Variants in PTPRE observed in about 807,000 individuals in gnomAD.
PTPRE encodes receptor-type tyrosine-protein phosphatase epsilon.
A neutral mutation model predicts 102.0 loss-of-function variants in PTPRE; 51 were observed. The ratio of observed to expected loss-of-function variants is 0.50; its 90% CI spans 0.40 to 0.63. The LOEUF is 0.63. PTPRE is among the 30% of genes least tolerant of loss of function. The pLI, the probability that PTPRE is intolerant of heterozygous loss-of-function variation, is 0.00. For synonymous variants in PTPRE, 345 were observed against 348.2 expected, an observed-to-expected ratio of 0.99 and a Z score of 0.10; for missense variants, 752 against 915.1, an observed-to-expected ratio of 0.82 and a Z score of 2.30.
rs866171216 is a variant in PTPRE, at chr10:128,085,135, G to A, written c.*2229G>A. ...TCTCCCCTCCACTGTCCGGGACAGC[G>A]TTCGCCCTTTAGCGGGGAGGTCATT... On this transcript the variant is annotated 3_prime_UTR_variant, in exon 21 of 21. Transcript: ENST00000254667. 5.9e-5 allele frequency: 27 copies of A among 455,918 alleles called. No individual in the cohort carries two copies. In the Middle Eastern group the frequency reaches 1.3e-3, roughly 22 times the overall value. The allele number at this position is 455,918 out of a possible 1,614,324, so 28.2% of individuals were successfully genotyped here. A position where few individuals can be genotyped will look rare whatever the true frequency, so the allele number is the denominator to read the frequency against.
At chr10:127,933,152 C>T (rs1847572066) in intron 1 of PTPRE, among the ~76,000 whole-genome samples, 1 of 152,154 alleles carries the variant, frequency 6.6e-6, no homozygotes, top group African/African-American at 2.4e-5. Context: ...AAACATAATC[C>T]CATCTGCAAA....
intron 1 of PTPRE, among the ~76,000 whole-genome samples, chr10:127,953,907 G>A (rs1019049326): frequency 4.6e-5 from 7 of 152,192 alleles, no homozygotes; most frequent in Non-Finnish European, 7.3e-5. Context: ...ACTGATTCAT[G>A]GGCTATAGCC....
chr10:128,031,465 C>T (rs67895236), intron 2 of PTPRE, among the ~76,000 whole-genome samples: 17,777 of 152,272 alleles, frequency 0.12, 1,295 homozygotes, highest in East Asian at 0.36. Flanking sequence ...ACTGCCGAGC[C>T]CCAAGGGCGG....
Position 128,085,357 on chromosome 10 carries a change from C to T in PTPRE, c.*2451C>T. The T allele has an allele frequency of 4.0e-6, 1 of 252,368 alleles. No homozygotes were observed. The highest frequency in any genetic ancestry group is 8.2e-6 in the Non-Finnish European group (1 of 121,412). 15.6% of individuals were successfully genotyped at this position (252,368 alleles called of 1,614,324 possible). ...GCCCCCAAACAGCCCAGTGCCGACA[C>T]CATTGTTCCTTTCACACTTTCCTTT... On this transcript the variant is annotated 3_prime_UTR_variant, in exon 21 of 21. Coordinates refer to ENST00000254667, the MANE Select transcript of PTPRE (RefSeq NM_006504.6).
At chr10:128,035,299 A>AC (rs1590085751) in intron 2 of PTPRE, among the ~76,000 whole-genome samples, 2 of 151,738 alleles carry the variant, frequency 1.3e-5, no homozygotes, top group East Asian at 1.9e-4. Context: ...ACACACACAC[A>AC]AAATATGTTA....
chr10:128,044,166 A>T (rs1481013973), intron 3 of PTPRE, among the ~76,000 whole-genome samples: 1 of 152,240 alleles, frequency 6.6e-6, no homozygotes, highest in Non-Finnish European at 1.5e-5. Context: ...TGGCAAAGAG[A>T]ACAGGTTCCT....
intron 1 of PTPRE, among the ~76,000 whole-genome samples, chr10:127,936,497 C>G (rs1034666579): frequency 6.6e-6 from 1 of 152,186 alleles, no homozygotes; most frequent in Non-Finnish European, 1.5e-5. Context: ...CTTTCTGACA[C>G]AGAATTTCCA....
At chr10:127,928,292 C>T (rs1290468106) in intron 1 of PTPRE, among the ~76,000 whole-genome samples, 1 of 152,194 alleles carries the variant, frequency 6.6e-6, no homozygotes, top group Non-Finnish European at 1.5e-5. Flanking sequence ...TTTTGTTTAT[C>T]TGGTCATCTC....
At chr10:127,978,731 G>T (rs1206880646) in intron 1 of PTPRE, among the ~76,000 whole-genome samples, 2 of 152,006 alleles carry the variant, frequency 1.3e-5, no homozygotes, top group Non-Finnish European at 2.9e-5. Context: ...TTTAAAGTGG[G>T]TCTCACCGGC....
intron 2 of PTPRE, among the ~76,000 whole-genome samples, chr10:128,027,210 G>C (rs1470688612): frequency 6.6e-6 from 1 of 152,234 alleles, no homozygotes; most frequent in East Asian, 1.9e-4. Flanking sequence ...AGGTTGATTT[G>C]TATTATTAGC....
At chr10:127,965,500 T>C (rs1850180001) in intron 1 of PTPRE, among the ~76,000 whole-genome samples, 1 of 152,252 alleles carries the variant, frequency 6.6e-6, no homozygotes, top group Non-Finnish European at 1.5e-5. Context: ...GGTTCGTCCC[T>C]AAGCAAAAGC....
chr10:128,015,254 G>A lies in PTPRE; in HGVS notation c.-7-25621G>A, dbSNP rs534236652. 7.2e-5 allele frequency among the ~76,000 whole-genome samples: 11 copies of A among 152,314 alleles called. No homozygotes were observed. The South Asian group carries it at 2.1e-3, about 29-fold the overall frequency. ...AAACAACTCAAATGTGTATCAAGAG[G>A]AGAATGGGGCCGGGCCTCGTGGCTC... On this transcript the variant is annotated intron_variant, in intron 2 of 20. Coordinates refer to ENST00000254667, the MANE Select transcript of PTPRE (RefSeq NM_006504.6).
At chr10:127,980,484 G>A (rs1245157034) in intron 1 of PTPRE, among the ~76,000 whole-genome samples, 1 of 151,654 alleles carries the variant, frequency 6.6e-6, no homozygotes, top group African/African-American at 2.4e-5. Context: ...TCTTTTCAAT[G>A]CTTATGTCTT....
intron 2 of PTPRE, among the ~76,000 whole-genome samples, chr10:127,997,310 A>G (rs541849321): frequency 8.7e-4 from 132 of 152,326 alleles, no homozygotes; most frequent in African/African-American, 2.5e-3. Flanking sequence ...CACAAGGAAA[A>G]GTTATGGCGT....
At chr10:127,970,772 C>T (rs1850667617) in intron 1 of PTPRE, among the ~76,000 whole-genome samples, 1 of 151,300 alleles carries the variant, frequency 6.6e-6, no homozygotes, top group Admixed American at 6.6e-5. Context: ...CAAAAAAGAT[C>T]ACCTGATATT....
chr10:127,940,289 G>A lies in PTPRE; in HGVS notation c.-31+32980G>A, dbSNP rs183725698. Among the ~76,000 whole-genome samples, 5 of 152,214 alleles carry A rather than the reference G, an allele frequency of 3.3e-5. No homozygotes were observed. The East Asian group carries it at 5.8e-4, about 18-fold the overall frequency. On this transcript the variant is annotated intron_variant, in intron 1 of 20. Coordinates refer to ENST00000254667, the MANE Select transcript of PTPRE (RefSeq NM_006504.6). Reference sequence around the variant, plus strand: ...TGAATAAACACCCCAGAAGCTCCTCGTCTCCTTCATACAATAATCCAGTCT... The same window carrying A: ...TGAATAAACACCCCAGAAGCTCCTCATCTCCTTCATACAATAATCCAGTCT...
chr10:128,032,585 T>C (rs566654018), intron 2 of PTPRE, among the ~76,000 whole-genome samples: 1 of 152,290 alleles, frequency 6.6e-6, no homozygotes, highest in South Asian at 2.1e-4. Flanking sequence ...AAAGTGCCCT[T>C]GGAGAAGAGT....
At chr10:128,011,664 A>AATTCCTT (rs1453080946) in intron 2 of PTPRE, among the ~76,000 whole-genome samples, 2 of 152,204 alleles carry the variant, frequency 1.3e-5, no homozygotes, top group Non-Finnish European at 2.9e-5. Context: ...TTTCACTAGA[A>AATTCCTT]ATTCCTTTTA....
intron 2 of PTPRE, among the ~76,000 whole-genome samples, chr10:128,034,643 G>A (rs144167260): frequency 9.7e-4 from 147 of 152,312 alleles, no homozygotes; most frequent in Admixed American, 2.4e-3. Flanking sequence ...ACTGCAGTGA[G>A]CCAGTCTGGC....
Sources: allele counts gnomAD v4.1 joint callset (sites outside exome capture counted in the v4.1 genomes callset), GRCh38; gene constraint gnomAD v4.1.1; transcripts MANE v1.5; gene names NCBI Gene and HGNC (gene_info 2026-07-23, HGNC 2026-07-21).